GALNT17: variants seen among roughly 807,000 people sequenced by gnomAD.
GALNT17 encodes the protein UDP-GalNAc:polypeptide N-acetylgalactosaminyltransferase-like 3.
Under a neutral mutation model 63.7 loss-of-function variants are expected in GALNT17, and 29 were observed. That is an observed-to-expected ratio of 0.46 (90% CI 0.34 to 0.62). GALNT17 has a LOEUF of 0.62. Among genes scored for constraint, GALNT17 ranks in the 20% least tolerant of loss-of-function variants. The pLI is 0.01. For missense variants in GALNT17, 603 were observed against 799.6 expected, an observed-to-expected ratio of 0.75 and a Z score of 2.97; for synonymous variants, 305 against 318.3, an observed-to-expected ratio of 0.96 and a Z score of 0.45.
At chr7:71,207,593 C>G (rs1448962508) in intron 1 of GALNT17, among the ~76,000 whole-genome samples, 2 of 152,132 alleles carry the variant, frequency 1.3e-5, no homozygotes, top group Non-Finnish European at 2.9e-5. Flanking sequence ...GTAGGGTACA[C>G]GTCATGCCAC....
intron 5 of GALNT17, among the ~76,000 whole-genome samples, chr7:71,435,538 G>A (rs761192970): frequency 4.6e-5 from 7 of 152,110 alleles, no homozygotes; most frequent in Non-Finnish European, 8.8e-5. Context: ...ATATTTTGCA[G>A]ACCCTGCACT....
chr7:71,201,805 T>C lies in GALNT17; in HGVS notation c.238+68765T>C, dbSNP rs906473200. 2.6e-5 allele frequency among the ~76,000 whole-genome samples: 4 copies of C among 151,882 alleles called. No individual in the cohort carries two copies. In the South Asian group the frequency reaches 8.3e-4, roughly 32 times the overall value. ...CGCCACCACACCCAGCTAATTTTTG[T>C]TATTTTTAGTAGAGACGGGGTTTCA... On this transcript the variant is annotated intron_variant, in intron 1 of 10. Coordinates refer to ENST00000333538, the MANE Select transcript of GALNT17 (RefSeq NM_022479.3).
In GALNT17 at chr7:71,208,258, A is replaced by T. The variant is rs187199828; in HGVS notation, c.238+75218A>T. Among the ~76,000 whole-genome samples, 162 of 152,168 alleles carry T rather than the reference A, an allele frequency of 1.1e-3. 1 individual carries two copies. The highest frequency in any genetic ancestry group is 1.7e-3 in the Non-Finnish European group (116 of 68,010). On this transcript the variant is annotated intron_variant, in intron 1 of 10. Transcript: ENST00000333538. ...GGCCCATTGCTATAATTTGGAATTA[A>T]ATGTGGTGTTTCTCAAAACACAACA...
At chr7:71,377,105 AATAAAAAAAATAT>A (rs1223962722) in intron 2 of GALNT17, among the ~76,000 whole-genome samples, 8 of 64,734 alleles carry the variant, frequency 1.2e-4, no homozygotes, top group African/African-American at 6.5e-4. Flanking sequence ...AAAAAATAAA[AATAAAAAAAATAT>A]ATATATATAT....
intron 1 of GALNT17, among the ~76,000 whole-genome samples, chr7:71,183,066 T>C (rs1788764350): frequency 6.6e-6 from 1 of 152,174 alleles, no homozygotes; most frequent in Admixed American, 6.5e-5. Context: ...GATTCTTTGA[T>C]GATTTCATGA....
At chr7:71,267,353 T>A (rs916609533) in intron 1 of GALNT17, among the ~76,000 whole-genome samples, 11 of 145,470 alleles carry the variant, frequency 7.6e-5, no homozygotes, top group African/African-American at 2.5e-4. Flanking sequence ...TATCTCCTGT[T>A]AAGGGATTTT....
chr7:71,357,451 A>C (rs970903157), intron 2 of GALNT17, among the ~76,000 whole-genome samples: 1 of 152,168 alleles, frequency 6.6e-6, no homozygotes, highest in Non-Finnish European at 1.5e-5. Context: ...GTCTTCCATG[A>C]AACTGGCCCC....
chr7:71,221,908 ATTTTTTTTTT>A (rs370780821), intron 1 of GALNT17, among the ~76,000 whole-genome samples: 1 of 114,684 alleles, frequency 8.7e-6, no homozygotes. Flanking sequence ...CCTTATTTAG[ATTTTTTTTTT>A]TTTTTTTTTT....
chr7:71,623,937 G>A (rs1007132923), intron 6 of GALNT17, among the ~76,000 whole-genome samples: 1 of 152,174 alleles, frequency 6.6e-6, no homozygotes, highest in African/African-American at 2.4e-5. Context: ...TGGATCTATA[G>A]TGGACCAAGG....
chr7:71,149,470 A>AG (rs576007960), intron 1 of GALNT17, among the ~76,000 whole-genome samples: 185 of 151,816 alleles, frequency 1.2e-3, no homozygotes, highest in Non-Finnish European at 2.0e-3. Flanking sequence ...CCAGGACTGT[A>AG]GGGGGGGCGA....
intron 1 of GALNT17, among the ~76,000 whole-genome samples, chr7:71,198,161 G>C (rs542893139): frequency 6.9e-6 from 1 of 145,528 alleles, no homozygotes; most frequent in East Asian, 2.0e-4. Context: ...TTGTGACATT[G>C]CACTCCAGCC....
At chr7:71,629,543 G>A (rs1328887407) in intron 6 of GALNT17, among the ~76,000 whole-genome samples, 1 of 152,132 alleles carries the variant, frequency 6.6e-6, no homozygotes, top group East Asian at 1.9e-4. Context: ...AATCAAGTGT[G>A]ATCATGGCTC....
At position 71,572,239 on chromosome 7, in the gene GALNT17, T is replaced by C. The variant is rs6973344; in HGVS notation, c.1080+837T>C. On this transcript the variant is annotated intron_variant, in intron 6 of 10. Coordinates refer to ENST00000333538, the MANE Select transcript of GALNT17 (RefSeq NM_022479.3). ...GAAAAATAAAAAAAAAAAAAGCTCA[T>C]ATATATAATCCCAGGGACTTCGGAA... is the stretch of plus-strand genomic sequence containing the variant. Among the ~76,000 whole-genome samples the C allele has an allele frequency of 8.0e-3, 1,178 of 147,892 alleles. 10 individuals are homozygous for C. Among genetic ancestry groups the C allele is most frequent in the African/African-American group, 0.028 (1,106 of 40,070 alleles).
chr7:71,582,096 G>A (rs1014043787), intron 6 of GALNT17, among the ~76,000 whole-genome samples: 1 of 152,096 alleles, frequency 6.6e-6, no homozygotes, highest in Admixed American at 6.5e-5. Flanking sequence ...ACAGTATGGA[G>A]ATTCCTTAAA....
At chr7:71,135,091 ATCC>A (rs1562850220) in intron 1 of GALNT17, among the ~76,000 whole-genome samples, 1 of 152,028 alleles carries the variant, frequency 6.6e-6, no homozygotes, top group Non-Finnish European at 1.5e-5. Context: ...GCTTCAAGCA[ATCC>A]TCCTGCCTGG....
At position 71,519,568 on chromosome 7, in the gene GALNT17, A is replaced by T. The variant is rs1277874502; in HGVS notation, c.963-51717A>T. Among the ~76,000 whole-genome samples the T allele has an allele frequency of 2.0e-5, 3 of 152,072 alleles. No individual in the cohort carries two copies. In the East Asian group the frequency reaches 5.8e-4, roughly 29 times the overall value. ...AACCTCCACCTCCCAGGTTCAAGTG[A>T]TTCTTGTGCCTCACCCTCCCGAGTA... On this transcript the variant is annotated intron_variant, in intron 5 of 10. Transcript: ENST00000333538.
At chr7:71,491,689 A>T (rs1427743174) in intron 5 of GALNT17, among the ~76,000 whole-genome samples, 1 of 152,188 alleles carries the variant, frequency 6.6e-6, no homozygotes, top group African/African-American at 2.4e-5. Context: ...CATTGGAGTG[A>T]CCTGGGGAAC....
intron 5 of GALNT17, among the ~76,000 whole-genome samples, chr7:71,542,338 A>T (rs542860803): frequency 2.5e-4 from 37 of 149,818 alleles, no homozygotes; most frequent in African/African-American, 6.6e-4. Flanking sequence ...ATTGGAATTT[A>T]AAAAAAAAAC....
At chr7:71,328,884 G>A (rs1791753649) in intron 1 of GALNT17, among the ~76,000 whole-genome samples, 2 of 151,990 alleles carry the variant, frequency 1.3e-5, no homozygotes, top group South Asian at 4.1e-4. Flanking sequence ...GGTGGGATAT[G>A]CATGCATGCT....
Sources: allele counts gnomAD v4.1 joint callset (sites outside exome capture counted in the v4.1 genomes callset), GRCh38; gene constraint gnomAD v4.1.1; transcripts MANE v1.5; gene names NCBI Gene and HGNC (gene_info 2026-07-23, HGNC 2026-07-21).